SH3PXD2A: variants seen among roughly 807,000 people sequenced by gnomAD.
The protein encoded by SH3PXD2A is SH3 and PX domains 2A.
A neutral mutation model predicts 115.2 loss-of-function variants in SH3PXD2A; 32 were observed. The observed-to-expected ratio is 0.28, with a 90% CI of 0.21 to 0.37. The LOEUF (loss-of-function observed/expected upper bound fraction) is 0.37, where lower values mean the gene tolerates loss of function less well. Ranked by LOEUF, SH3PXD2A falls within the 10% of genes least tolerant of loss-of-function variation. SH3PXD2A has a pLI of 1.00. For synonymous variants in SH3PXD2A, 610 were observed against 629.1 expected, an observed-to-expected ratio of 0.97 and a Z score of 0.45; for missense variants, 1,328 against 1,498.7, an observed-to-expected ratio of 0.89 and a Z score of 1.88.
At chr10:103,645,462 T>C (rs188965110) in intron 8 of SH3PXD2A, among the ~76,000 whole-genome samples, 52 of 152,342 alleles carry the variant, frequency 3.4e-4, no homozygotes, top group African/African-American at 1.3e-3. Flanking sequence ...AGGTTTTTGT[T>C]GCTTGTTGCA....
chr10:103,822,929 GA>G (rs2039395852), intron 1 of SH3PXD2A, among the ~76,000 whole-genome samples: 1 of 152,216 alleles, frequency 6.6e-6, no homozygotes, highest in Admixed American at 6.5e-5. Context: ...CTGGCTGACA[GA>G]AACAATCACG....
intron 6 of SH3PXD2A, 82 bp from the exon 7 acceptor site, chr10:103,668,734 T>A (rs552204391): frequency 1.4e-4 from 185 of 1,301,122 alleles, no homozygotes; most frequent in Non-Finnish European, 1.9e-4. Context: ...AGGTCCACAG[T>A]GAGTGGCTGC....
At chr10:103,626,633 A>G (rs1364035920) in intron 9 of SH3PXD2A, among the ~76,000 whole-genome samples, 1 of 151,864 alleles carries the variant, frequency 6.6e-6, no homozygotes, top group East Asian at 1.9e-4. Context: ...AAAGAAAAAA[A>G]AAAAAAGGAA....
rs1233502835 is a variant in SH3PXD2A, at chr10:103,801,270, T to C, written c.153+12A>G. On this transcript the variant is annotated intron_variant, in intron 2 of 14. Coordinates refer to ENST00000369774, the MANE Select transcript of SH3PXD2A (RefSeq NM_001394015.1). The stretch of plus-strand genomic sequence containing the variant: ...GAGACTTGGGCCACTGTCCGAGCTC[T>C]GACAAACTCACCTGCAGGTCAAAGA... 2 of 1,574,562 alleles carry C rather than the reference T, an allele frequency of 1.3e-6. No homozygotes were observed. Among genetic ancestry groups the C allele is most frequent in the Non-Finnish European group, 1.7e-6 (2 of 1,144,796 alleles).
chr10:103,641,775 C>T (rs2036959183), intron 8 of SH3PXD2A, among the ~76,000 whole-genome samples: 1 of 152,110 alleles, frequency 6.6e-6, no homozygotes, highest in Admixed American at 6.5e-5. Flanking sequence ...TCCAAGTTGC[C>T]TCTCCTCTAA....
At chr10:103,824,757 A>G (rs982952631) in intron 1 of SH3PXD2A, among the ~76,000 whole-genome samples, 1 of 151,908 alleles carries the variant, frequency 6.6e-6, no homozygotes, top group Non-Finnish European at 1.5e-5. Flanking sequence ...TGTGTAGACC[A>G]GGTGTAGACA....
chr10:103,836,468 C>T (rs771221829), intron 1 of SH3PXD2A, among the ~76,000 whole-genome samples: 3 of 151,702 alleles, frequency 2.0e-5, no homozygotes, highest in Admixed American at 6.6e-5. Context: ...CTAACACACA[C>T]ACTCCACAAA....
At chr10:103,660,540 C>T (rs2037279395) in intron 8 of SH3PXD2A, among the ~76,000 whole-genome samples, 1 of 152,192 alleles carries the variant, frequency 6.6e-6, no homozygotes, top group Non-Finnish European at 1.5e-5. Flanking sequence ...TTGCCAGCGA[C>T]CCGGGGACCC....
At chr10:103,689,642 G>A (rs987580199) in intron 6 of SH3PXD2A, among the ~76,000 whole-genome samples, 2 of 152,160 alleles carry the variant, frequency 1.3e-5, no homozygotes, top group East Asian at 1.9e-4. Context: ...TCCAGCCTGG[G>A]CAACAGGGGA....
chr10:103,759,066 C>T (rs546888947), intron 3 of SH3PXD2A, among the ~76,000 whole-genome samples: 12 of 152,274 alleles, frequency 7.9e-5, no homozygotes, highest in African/African-American at 2.4e-4. Context: ...GAGCGGGCCA[C>T]GGACCAGCTC....
chr10:103,825,568 C>A (rs1216039018), intron 1 of SH3PXD2A, among the ~76,000 whole-genome samples: 1 of 152,144 alleles, frequency 6.6e-6, no homozygotes, highest in Non-Finnish European at 1.5e-5. Flanking sequence ...TCCCTGGTCA[C>A]CTGTAAATGT....
chr10:103,663,238 C>T (rs369080307), intron 7 of SH3PXD2A, among the ~76,000 whole-genome samples: 1 of 152,350 alleles, frequency 6.6e-6, no homozygotes, highest in East Asian at 1.9e-4. Context: ...ATTCCCCACA[C>T]GCCTGAGTTT....
chr10:103,776,436 C>CTG (rs34034863), intron 2 of SH3PXD2A, among the ~76,000 whole-genome samples: 18,222 of 124,912 alleles, frequency 0.15, 1,210 homozygotes, highest in Middle Eastern at 0.22. Flanking sequence ...GTGTGTGTGT[C>CTG]TGTGTGTGTG....
chr10:103,772,941 C>T (rs1482847826), intron 2 of SH3PXD2A, among the ~76,000 whole-genome samples: 1 of 152,102 alleles, frequency 6.6e-6, no homozygotes, highest in African/African-American at 2.4e-5. Flanking sequence ...GAGACAAGGA[C>T]AGCCGGGCGC....
At chr10:103,849,480 T>G (rs976421531) in intron 1 of SH3PXD2A, among the ~76,000 whole-genome samples, 2 of 152,204 alleles carry the variant, frequency 1.3e-5, no homozygotes, top group African/African-American at 4.8e-5. Context: ...ACCGGCACCA[T>G]GCACACAGCA....
chr10:103,622,371 G>A (rs2133948925), intron 10 of SH3PXD2A, 99 bp downstream of exon 10: 2 of 766,144 alleles, frequency 2.6e-6, no homozygotes, highest in African/African-American at 1.7e-5. Flanking sequence ...GGTGAACAAG[G>A]AGGCCACAGG....
chr10:103,838,889 G>A (rs1409953810), intron 1 of SH3PXD2A, among the ~76,000 whole-genome samples: 1 of 152,180 alleles, frequency 6.6e-6, no homozygotes, highest in Non-Finnish European at 1.5e-5. Context: ...GAGAGAAAAA[G>A]CAAGGAAAAG....
intron 5 of SH3PXD2A, among the ~76,000 whole-genome samples, chr10:103,696,770 C>T (rs530318311): frequency 6.6e-6 from 1 of 152,332 alleles, no homozygotes; most frequent in South Asian, 2.1e-4. Context: ...CAGCTCCCAT[C>T]AGACCACTCA....
chr10:103,692,138 AG>A (rs1354513564), intron 6 of SH3PXD2A, among the ~76,000 whole-genome samples: 2 of 152,182 alleles, frequency 1.3e-5, no homozygotes, highest in East Asian at 1.9e-4. Flanking sequence ...GGATCGCTGC[AG>A]CAGTCTGTCC....
Sources: allele counts gnomAD v4.1 joint callset (sites outside exome capture counted in the v4.1 genomes callset), GRCh38; gene constraint gnomAD v4.1.1; transcripts MANE v1.5; gene names NCBI Gene and HGNC (gene_info 2026-07-23, HGNC 2026-07-21).